Variants in PIGX observed in about 807,000 individuals in gnomAD.
PIGX encodes the protein GPI alpha-1,4-mannosyltransferase I, stabilizing subunit.
Under a neutral mutation model 28.7 loss-of-function variants are expected in PIGX, and 24 were observed. That is an observed-to-expected ratio of 0.84 (90% CI 0.60 to 1.17). The LOEUF (loss-of-function observed/expected upper bound fraction) is 1.17, where lower values mean the gene tolerates loss of function less well. Ranked by LOEUF, PIGX falls within the 50% of genes most tolerant of loss-of-function variation. The pLI is 0.00. For missense variants in PIGX, 305 were observed against 317.8 expected (o/e 0.96, Z 0.31); for synonymous variants, 127 against 121.0 (o/e 1.05, Z -0.33).
rs183004315 is a variant in PIGX at position 196,731,154 on chromosome 3, T to C, written c.633+62T>C. ...GCCTCATTTAAAGCTCTTTCTGTAA[T>C]GTTCCTGCCACATTTAAGAGATTAG... On this transcript the variant is annotated intron_variant, in intron 5 of 5. Transcript: ENST00000392391. The C allele has an allele frequency of 1.7e-3, 1,572 of 915,288 alleles. 8 individuals carry two copies. Among genetic ancestry groups the C allele is most frequent in the Non-Finnish European group, 6.0e-4 (346 of 576,436 alleles). 56.7% of individuals were successfully genotyped at this position (915,288 alleles called of 1,614,324 possible).
chr3:196,718,507 A>G (rs1197497376), intron 2 of PIGX, among the ~76,000 whole-genome samples: 1 of 152,088 alleles, frequency 6.6e-6, no homozygotes, highest in African/African-American at 2.4e-5. Flanking sequence ...GGATCATACA[A>G]TTTTTATATT....
chr3:196,723,807 GC>G lies in PIGX; in HGVS notation c.318+1253del, dbSNP rs1055130090. 7.9e-5 allele frequency among the ~76,000 whole-genome samples: 12 copies of G among 151,700 alleles called. 2 individuals are homozygous for G. The highest frequency in any genetic ancestry group is 7.9e-4 in the Admixed American group (12 of 15,228). On this transcript the variant is annotated intron_variant, in intron 3 of 5. Coordinates refer to ENST00000392391, the MANE Select transcript of PIGX (RefSeq NM_017861.4). ...CAGTTTATTTCTAATCGTGGTTTAG[GC>G]CAGTTTCTTTATCCATTTATTTTAT...
intron 1 of PIGX, chr3:196,713,263 T>C: frequency 4.2e-6 from 1 of 238,582 alleles, no homozygotes; most frequent in Non-Finnish European, 6.8e-6. Context: ...TGTTTACATA[T>C]TGGGTTTTCA....
chr3:196,723,514 C>T lies in PIGX; in HGVS notation c.318+958C>T, dbSNP rs1712404263. Among the ~76,000 whole-genome samples the T allele has an allele frequency of 2.0e-5, 3 of 152,198 alleles. No homozygotes were observed. In the South Asian group the frequency reaches 6.2e-4, roughly 32 times the overall value. ...AGTTTCCCCAACTTTGGTAAGAATT[C>T]CCTGGGGGCACTTTTGTACAGAGTA... On this transcript the variant is annotated intron_variant, in intron 3 of 5. Transcript: ENST00000392391.
intron 5 of PIGX, among the ~76,000 whole-genome samples, chr3:196,731,394 T>C (rs1214928725): frequency 1.3e-5 from 2 of 152,154 alleles, no homozygotes; most frequent in Non-Finnish European, 2.9e-5. Context: ...GCCAGGCTGG[T>C]CTCAAACTCC....
chr3:196,733,185 A>G lies in PIGX; in HGVS notation c.634-574A>G, dbSNP rs999194911. Among the ~76,000 whole-genome samples, 2 of 152,216 alleles carry G rather than the reference A, an allele frequency of 1.3e-5. No individual in the cohort carries two copies. Among genetic ancestry groups the G allele is most frequent in the African/African-American group, 4.8e-5 (2 of 41,460 alleles). ...TAATATACTTTATGTAAAAAGCAGA[A>G]AAATCAGAACTAATGAGATTTAACA... On this transcript the variant is annotated intron_variant, in intron 5 of 5. Coordinates refer to ENST00000392391, the MANE Select transcript of PIGX (RefSeq NM_017861.4). This position sits in a 1 kb window ranked among gnomAD's most constrained non-coding sequence, Gnocchi z 4.3.
At position 196,719,416 on chromosome 3, in the gene PIGX, G is replaced by A. The variant is rs541667211; in HGVS notation, c.176+2495G>A. 3.3e-5 allele frequency among the ~76,000 whole-genome samples: 5 copies of A among 152,154 alleles called. No homozygotes were observed. The South Asian group carries it at 1.0e-3, about 32-fold the overall frequency. ...ACATATGTATATGTGTGCCATGTTG[G>A]TGTGCTGCACCCATTAACTCGTCAT... On this transcript the variant is annotated intron_variant, in intron 2 of 5. Transcript: ENST00000392391.
At chr3:196,720,101 G>A (rs1712258863) in intron 2 of PIGX, among the ~76,000 whole-genome samples, 1 of 152,200 alleles carries the variant, frequency 6.6e-6, no homozygotes, top group African/African-American at 2.4e-5. Context: ...TTGTAAGTGT[G>A]CAATTCAGTG....
Position 196,731,100 on chromosome 3 carries a change from A to G in PIGX, c.633+8A>G, listed in dbSNP as rs535471214. 7 of 1,465,112 alleles carry G rather than the reference A, an allele frequency of 4.8e-6. No homozygotes were observed. The Admixed American group carries it at 1.0e-4, about 21-fold the overall frequency. 90.8% of individuals were successfully genotyped at this position (1,465,112 alleles called of 1,614,324 possible). A position where few individuals can be genotyped will look rare whatever the true frequency, so the allele number is the denominator to read the frequency against. On this transcript the variant is annotated splice_region_variant and intron_variant, in intron 5 of 5. Transcript: ENST00000392391. The stretch of plus-strand genomic sequence containing the variant: ...AAGATGAAGTATAAATCAGTAAGCT[A>G]ATGTTTTATGTTGTTTTTTAGATCA...
intron 4 of PIGX, chr3:196,728,661 C>G (rs1032302447): frequency 2.6e-6 from 2 of 766,184 alleles, no homozygotes; most frequent in Non-Finnish European, 4.8e-6. Flanking sequence ...GCTAATTGGA[C>G]TCATGTTCCT....
rs1407886360 is a variant in PIGX at position 196,712,466 on chromosome 3, G to A, written c.-67G>A. 3 of 751,020 alleles carry A rather than the reference G, an allele frequency of 4.0e-6. No homozygotes were observed. Among genetic ancestry groups the A allele is most frequent in the East Asian group, 4.9e-5 (1 of 20,606 alleles). The allele number at this position is 751,020 out of a possible 1,614,324, so 46.5% of individuals were successfully genotyped here. The stretch of plus-strand genomic sequence containing the variant: ...CAGCGCGCGGTAGGAGCTGCGGGCG[G>A]CCAGGCCCCTTCCTGCGTCCGCACC... On this transcript the variant is annotated 5_prime_UTR_variant, in exon 1 of 6. Transcript: ENST00000392391.
At chr3:196,713,049 T>A in intron 1 of PIGX, 2 of 986,414 alleles carry the variant, frequency 2.0e-6, no homozygotes, top group Non-Finnish European at 2.4e-6. Context: ...AAACTGCTAG[T>A]TGTTCGTGCA....
Position 196,733,697 on chromosome 3 carries a change from G to C in PIGX, c.634-62G>C, listed in dbSNP as rs917104219. The C allele has an allele frequency of 7.9e-7, 1 of 1,271,992 alleles. No individual in the cohort carries two copies. Among genetic ancestry groups the C allele is most frequent in the Admixed American group, 1.7e-5 (1 of 58,172 alleles). The allele number at this position is 1,271,992 out of a possible 1,614,324, so 78.8% of individuals were successfully genotyped here. ...CGAAGTGCTGGGATTACAGGCATGA[G>C]CTACCACACCGGGCCCATGACATGC... is the stretch of plus-strand genomic sequence containing the variant. On this transcript the variant is annotated intron_variant, in intron 5 of 5. Coordinates refer to ENST00000392391, the MANE Select transcript of PIGX (RefSeq NM_017861.4). The surrounding 1 kb of genome is among the most constrained non-coding windows in gnomAD (Gnocchi z 4.3).
At position 196,732,241 on chromosome 3, in the gene PIGX, TA is replaced by T. The variant is rs1560080579; in HGVS notation, c.633+1150del. Among the ~76,000 whole-genome samples the T allele has an allele frequency of 5.1e-3, 331 of 64,806 alleles. 38 individuals are homozygous for T. The highest frequency in any genetic ancestry group is 0.02 in the African/African-American group (304 of 14,922). The allele number at this position is 64,806 out of a possible 152,430, so 42.5% of individuals were successfully genotyped here. ...TTATATATATATATATATATATATA[TA>T]TATATATATATATATTTTATTTTAT... is the stretch of plus-strand genomic sequence containing the variant. On this transcript the variant is annotated intron_variant, in intron 5 of 5. Transcript: ENST00000392391.
At chr3:196,714,161 A>T (rs960718040) in intron 1 of PIGX, among the ~76,000 whole-genome samples, 51 of 152,306 alleles carry the variant, frequency 3.3e-4, no homozygotes, top group African/African-American at 1.2e-3. Flanking sequence ...ATTAAACAGG[A>T]TGAAGAAAGA....
Position 196,733,565 on chromosome 3 carries a change from C to T in PIGX, c.634-194C>T, listed in dbSNP as rs1183154006. 2.0e-5 allele frequency among the ~76,000 whole-genome samples: 3 copies of T among 152,096 alleles called. No individual in the cohort carries two copies. Among genetic ancestry groups the T allele is most frequent in the African/African-American group, 7.2e-5 (3 of 41,432 alleles). Reference sequence around the variant, plus strand: ...TAGCTGGGACTACAGGCACCTGCCACCACACCTGGCTAATTTTTGTATTTT... The same window carrying T: ...TAGCTGGGACTACAGGCACCTGCCATCACACCTGGCTAATTTTTGTATTTT... On this transcript the variant is annotated intron_variant, in intron 5 of 5. Transcript: ENST00000392391. This position sits in a 1 kb window ranked among gnomAD's most constrained non-coding sequence, Gnocchi z 4.3.
intron 3 of PIGX, among the ~76,000 whole-genome samples, chr3:196,724,995 A>G (rs1231073568): frequency 6.6e-6 from 1 of 152,216 alleles, no homozygotes; most frequent in Non-Finnish European, 1.5e-5. Context: ...ATGCTTTGTA[A>G]GGAGTTTGTG....
intron 3 of PIGX, chr3:196,726,845 T>C (rs1712543121): frequency 7.8e-6 from 2 of 257,556 alleles, no homozygotes; most frequent in South Asian, 3.5e-5. Flanking sequence ...TGACTTATAG[T>C]AATGAGCTTC....
intron 3 of PIGX, 43 bp from the exon 4 acceptor site, chr3:196,727,880 C>T: frequency 1.5e-6 from 2 of 1,345,218 alleles, no homozygotes; most frequent in Non-Finnish European, 2.1e-6. Context: ...AAATCTTCCT[C>T]ATTCATTTCT....
Sources: allele counts gnomAD v4.1 joint callset (sites outside exome capture counted in the v4.1 genomes callset), GRCh38; gene constraint gnomAD v4.1.1; non-coding constraint Gnocchi (gnomAD v3.1); transcripts MANE v1.5; gene names NCBI Gene and HGNC (gene_info 2026-07-23, HGNC 2026-07-21).